Variants in ATP2B2 observed in about 807,000 individuals in gnomAD.
The protein encoded by ATP2B2 is plasma membrane calcium-transporting ATPase 2.
ATP2B2 carries 15 observed loss-of-function variants against 120.0 expected under a neutral mutation model. The observed-to-expected ratio is 0.12, with a 90% CI of 0.08 to 0.19. ATP2B2 has a LOEUF of 0.19. Ranked by LOEUF, ATP2B2 falls within the 10% of genes least tolerant of loss-of-function variation. The pLI, the probability that ATP2B2 is intolerant of heterozygous loss-of-function variation, is 1.00. For synonymous variants in ATP2B2, 694 were observed against 700.3 expected (o/e 0.99, Z 0.14); for missense variants, 1,045 against 1,719.8 (o/e 0.61, Z 6.94).
intron 2 of ATP2B2, among the ~76,000 whole-genome samples, chr3:10,588,924 G>A (rs2125573956): frequency 6.6e-6 from 1 of 152,338 alleles, no homozygotes; most frequent in South Asian, 2.1e-4. Flanking sequence ...GCGGCTGGCA[G>A]TGCTGCGTGA....
chr3:10,412,529 C>G (rs1273636641), intron 2 of ATP2B2, among the ~76,000 whole-genome samples: 1 of 152,162 alleles, frequency 6.6e-6, no homozygotes, highest in Non-Finnish European at 1.5e-5. Context: ...TTCAGCAAAC[C>G]GGGAACAGCC....
At chr3:10,663,552 C>T (rs972922602) in intron 1 of ATP2B2, among the ~76,000 whole-genome samples, 1 of 152,146 alleles carries the variant, frequency 6.6e-6, no homozygotes, top group African/African-American at 2.4e-5. Context: ...TCCTAAGGGG[C>T]CCCGCACCAG....
rs1406378952 is a variant in ATP2B2, at chr3:10,520,313, G to A, written c.-320+13726C>T. Among the ~76,000 whole-genome samples, 3 of 152,318 alleles carry A rather than the reference G, an allele frequency of 2.0e-5. No homozygotes were observed. The South Asian group carries it at 6.2e-4, about 32-fold the overall frequency. On this transcript the variant is annotated intron_variant, in intron 3 of 21. Coordinates refer to the ATP2B2 transcript ENST00000646379. ...CAGTGCTGGAGCAAGCAGCAGGGGA[G>A]GGGGGTGCCGGTTTTAAGATCAGAC...
chr3:10,462,535 G>A (rs553582242), intron 1 of ATP2B2, among the ~76,000 whole-genome samples: 1 of 152,342 alleles, frequency 6.6e-6, no homozygotes, highest in South Asian at 2.1e-4. Flanking sequence ...CAGAGGCTGT[G>A]TGAGGCTCTG....
At chr3:10,336,462 C>T (rs535309555) in intron 22 of ATP2B2, among the ~76,000 whole-genome samples, 10 of 152,348 alleles carry the variant, frequency 6.6e-5, no homozygotes, top group East Asian at 5.8e-4. Flanking sequence ...CTCTGAAAAA[C>T]GTCTGCTCAG....
intron 2 of ATP2B2, among the ~76,000 whole-genome samples, chr3:10,614,334 C>T (rs2069323327): frequency 6.6e-6 from 1 of 151,774 alleles, no homozygotes; most frequent in African/African-American, 2.4e-5. Context: ...GATCTGGTAC[C>T]TCCTGGAACG....
intron 1 of ATP2B2, among the ~76,000 whole-genome samples, chr3:10,466,704 T>G (rs1313425767): frequency 2.0e-5 from 3 of 152,206 alleles, no homozygotes; most frequent in Non-Finnish European, 4.4e-5. Flanking sequence ...AATCTGCCAT[T>G]CAGGTTTACC....
At chr3:10,654,745 G>A (rs887484490) in intron 1 of ATP2B2, among the ~76,000 whole-genome samples, 1 of 150,288 alleles carries the variant, frequency 6.7e-6, no homozygotes, top group African/African-American at 2.5e-5. Flanking sequence ...TAGGGGAGTG[G>A]TCCTCAGTGT....
intron 1 of ATP2B2, among the ~76,000 whole-genome samples, chr3:10,703,246 C>T (rs1477356942): frequency 6.6e-6 from 1 of 152,188 alleles, no homozygotes; most frequent in African/African-American, 2.4e-5. Context: ...CTACAATCAG[C>T]GTCTCTGCCC....
At position 10,625,062 on chromosome 3, in the gene ATP2B2, C is replaced by T. The variant is rs191320278; in HGVS notation, c.-459-5101G>A. Among the ~76,000 whole-genome samples the T allele has an allele frequency of 1.9e-3, 288 of 152,224 alleles. 1 individual carries two copies. The highest frequency in any genetic ancestry group is 3.3e-3 in the Non-Finnish European group (222 of 68,008). Reference sequence around the variant, plus strand: ...CTGAATCCAAAATGGAACAATTTTTCGAGTAAATAATACCATTGATGTCAG... The same window carrying T: ...CTGAATCCAAAATGGAACAATTTTTTGAGTAAATAATACCATTGATGTCAG... On this transcript the variant is annotated intron_variant, in intron 1 of 21. Coordinates refer to the ATP2B2 transcript ENST00000646379.
At chr3:10,658,910 A>G (rs1480395278) in intron 1 of ATP2B2, among the ~76,000 whole-genome samples, 3 of 152,128 alleles carry the variant, frequency 2.0e-5, no homozygotes, top group Admixed American at 2.0e-4. Context: ...CAGAAACTCT[A>G]CAAGCCAGAA....
intron 2 of ATP2B2, among the ~76,000 whole-genome samples, chr3:10,612,338 A>G (rs1317371193): frequency 6.6e-6 from 1 of 152,106 alleles, no homozygotes; most frequent in Admixed American, 6.5e-5. Flanking sequence ...TGTGGCCCTC[A>G]TCTTGCCGAG....
At chr3:10,338,605 C>T in intron 21 of ATP2B2, 1 of 497,406 alleles carries the variant, frequency 2.0e-6, no homozygotes, top group Non-Finnish European at 3.5e-6. Context: ...CTTTTTAATT[C>T]ATTCATTCAG....
At chr3:10,452,936 A>G (rs563646994) in intron 1 of ATP2B2, among the ~76,000 whole-genome samples, 1 of 152,326 alleles carries the variant, frequency 6.6e-6, no homozygotes, top group South Asian at 2.1e-4. Context: ...CACTAAACTT[A>G]CTGGCAGTAG....
chr3:10,396,868 G>T (rs1029413592), intron 5 of ATP2B2, among the ~76,000 whole-genome samples: 1 of 152,096 alleles, frequency 6.6e-6, no homozygotes, highest in African/African-American at 2.4e-5. Context: ...GAAGCTTGTT[G>T]GGGGTCCCTG....
At chr3:10,574,444 G>C (rs994440932) in intron 2 of ATP2B2, among the ~76,000 whole-genome samples, 1 of 152,184 alleles carries the variant, frequency 6.6e-6, no homozygotes, top group Non-Finnish European at 1.5e-5. Context: ...TGGGCCATCT[G>C]TCTGCCTGGC....
Position 10,328,719 on chromosome 3 carries a change from G to T in ATP2B2, c.*95C>A. The T allele has an allele frequency of 1.5e-6, 2 of 1,307,426 alleles. No individual in the cohort carries two copies. The highest frequency in any genetic ancestry group is 2.1e-6 in the Non-Finnish European group (2 of 954,866). 81.0% of individuals were successfully genotyped at this position (1,307,426 alleles called of 1,614,324 possible). A position where few individuals can be genotyped will look rare whatever the true frequency, so the allele number is the denominator to read the frequency against. On this transcript the variant is annotated 3_prime_UTR_variant, in exon 23 of 23. Coordinates refer to ENST00000360273, the MANE Select transcript of ATP2B2 (RefSeq NM_001001331.4). Reference sequence around the variant, plus strand: ...TGGTTTCCGATTGTTGCTCGTTGCTGCTTGGGTGAGTTGGGTGCCTGGATG... The same window carrying T: ...TGGTTTCCGATTGTTGCTCGTTGCTTCTTGGGTGAGTTGGGTGCCTGGATG...
At chr3:10,663,041 A>G (rs550870058) in intron 1 of ATP2B2, among the ~76,000 whole-genome samples, 22 of 137,194 alleles carry the variant, frequency 1.6e-4, no homozygotes, top group African/African-American at 5.2e-4. Flanking sequence ...GAATTGAACA[A>G]TGAGAACACT....
chr3:10,649,700 CT>C (rs1194400009), intron 1 of ATP2B2, among the ~76,000 whole-genome samples: 1 of 152,170 alleles, frequency 6.6e-6, no homozygotes, highest in Non-Finnish European at 1.5e-5. Context: ...CATATCTCAT[CT>C]TGAATTCCCA....
Sources: gnomAD v4.1 joint callset for allele counts (sites outside exome capture counted in the v4.1 genomes callset) on GRCh38, gnomAD v4.1.1 for gene constraint, MANE v1.5 for transcripts, NCBI Gene and HGNC (gene_info 2026-07-23, HGNC 2026-07-21) for gene names.